The following PLXDC2 variants were observed in gnomAD, a reference collection of about 807,000 sequenced individuals.
PLXDC2 encodes the protein plexin domain-containing protein 2.
Under a neutral mutation model 68.9 loss-of-function variants are expected in PLXDC2, and 40 were observed. The ratio of observed to expected loss-of-function variants is 0.58; its 90% CI spans 0.45 to 0.76. The LOEUF is 0.76. Ranked by LOEUF, PLXDC2 falls within the 30% of genes least tolerant of loss-of-function variation. PLXDC2 has a pLI of 0.00. For missense variants in PLXDC2, 644 were observed against 661.9 expected (o/e 0.97, Z 0.30); for synonymous variants, 243 against 234.2 (o/e 1.04, Z -0.34).
intron 2 of PLXDC2, among the ~76,000 whole-genome samples, chr10:20,032,587 C>T (rs918058262): frequency 7.9e-5 from 12 of 152,046 alleles, no homozygotes; most frequent in Admixed American, 7.9e-4. Context: ...CTAATAGAAA[C>T]AATCTGAGCA....
intron 9 of PLXDC2, among the ~76,000 whole-genome samples, chr10:20,183,453 GTGAGAA>G: frequency 6.6e-6 from 1 of 152,076 alleles, no homozygotes; most frequent in East Asian, 1.9e-4. Context: ...CTGAAAAGAT[GTGAGAA>G]ACAACAATAT....
intron 2 of PLXDC2, among the ~76,000 whole-genome samples, chr10:20,032,725 A>C (rs567693633): frequency 6.6e-6 from 1 of 151,892 alleles, no homozygotes; most frequent in Non-Finnish European, 1.5e-5. Context: ...GGATTTATGT[A>C]GTGCTAGTGA....
chr10:20,214,119 T>TTAA (rs1292387692), intron 10 of PLXDC2, among the ~76,000 whole-genome samples: 2 of 152,150 alleles, frequency 1.3e-5, no homozygotes, highest in Non-Finnish European at 2.9e-5. Context: ...GCCAAGTATT[T>TTAA]TATAGTTTCA....
chr10:19,878,713 C>A (rs1837677732), intron 1 of PLXDC2, among the ~76,000 whole-genome samples: 1 of 152,152 alleles, frequency 6.6e-6, no homozygotes, highest in Non-Finnish European at 1.5e-5. Context: ...ATAGTTTTCA[C>A]AACTTAATTT....
chr10:19,836,070 TG>T (rs1836786532), intron 1 of PLXDC2, among the ~76,000 whole-genome samples: 1 of 151,776 alleles, frequency 6.6e-6, no homozygotes, highest in African/African-American at 2.4e-5. Context: ...CCAGCTACAC[TG>T]GAAGCTGAGG....
At chr10:19,920,753 T>C (rs1279662372) in intron 1 of PLXDC2, among the ~76,000 whole-genome samples, 1 of 152,156 alleles carries the variant, frequency 6.6e-6, no homozygotes, top group African/African-American at 2.4e-5. Flanking sequence ...AGACAGGGTT[T>C]CGCCTTGTTG....
intron 1 of PLXDC2, among the ~76,000 whole-genome samples, chr10:19,818,262 G>C (rs1055150751): frequency 2.0e-5 from 3 of 150,388 alleles, no homozygotes; most frequent in Non-Finnish European, 4.5e-5. Context: ...GTGTGTGTGT[G>C]TGTGTGTGTG....
chr10:20,130,687 A>T (rs1833856126), intron 4 of PLXDC2, among the ~76,000 whole-genome samples: 1 of 152,000 alleles, frequency 6.6e-6, no homozygotes. Context: ...ATTTGTTGAG[A>T]GTTTTTATCA....
At chr10:19,996,451 T>A (rs1039392995) in intron 1 of PLXDC2, among the ~76,000 whole-genome samples, 1 of 152,128 alleles carries the variant, frequency 6.6e-6, no homozygotes, top group Admixed American at 6.5e-5. Context: ...CTGGGCATGG[T>A]GGTGTGCACC....
At chr10:19,876,377 A>G (rs1266076537) in intron 1 of PLXDC2, among the ~76,000 whole-genome samples, 1 of 152,144 alleles carries the variant, frequency 6.6e-6, no homozygotes, top group Non-Finnish European at 1.5e-5. Context: ...CTCAACCCAC[A>G]TTATGCTGCA....
At chr10:20,218,074 A>T (rs1835163733) in intron 11 of PLXDC2, among the ~76,000 whole-genome samples, 1 of 152,186 alleles carries the variant, frequency 6.6e-6, no homozygotes, top group Non-Finnish European at 1.5e-5. Flanking sequence ...TGTATGTGTC[A>T]TAGAAATTGT....
intron 4 of PLXDC2, among the ~76,000 whole-genome samples, chr10:20,137,351 G>A (rs910018595): frequency 6.6e-6 from 1 of 152,110 alleles, no homozygotes; most frequent in African/African-American, 2.4e-5. Flanking sequence ...AGGTAACTGA[G>A]GTACACAGAG....
intron 2 of PLXDC2, among the ~76,000 whole-genome samples, chr10:20,004,175 A>G (rs1834987463): frequency 6.6e-6 from 1 of 152,210 alleles, no homozygotes; most frequent in South Asian, 2.1e-4. Flanking sequence ...AGAAATCTTC[A>G]AAAGATCTGA....
chr10:19,931,551 T>C (rs936635501), intron 1 of PLXDC2, among the ~76,000 whole-genome samples: 2 of 152,156 alleles, frequency 1.3e-5, no homozygotes, highest in Admixed American at 6.5e-5. Flanking sequence ...AAGGGAAGAC[T>C]CTCCTTCTAA....
intron 9 of PLXDC2, among the ~76,000 whole-genome samples, chr10:20,202,493 T>C (rs1157423705): frequency 1.3e-5 from 2 of 152,154 alleles, no homozygotes; most frequent in South Asian, 2.1e-4. Flanking sequence ...CAGCGGGGCT[T>C]AAACTTGTGA....
Position 20,217,587 on chromosome 10 carries a change from G to C in PLXDC2, c.1273+11G>C. The C allele has an allele frequency of 9.2e-6, 5 of 545,302 alleles. No individual in the cohort carries two copies. Among genetic ancestry groups the C allele is most frequent in the Non-Finnish European group, 1.5e-5 (5 of 333,098 alleles). The allele number at this position is 545,302 out of a possible 1,614,324, so 33.8% of individuals were successfully genotyped here. A position where few individuals can be genotyped will look rare whatever the true frequency, so the allele number is the denominator to read the frequency against. On this transcript the variant is annotated intron_variant, in intron 11 of 13. Coordinates refer to ENST00000377252, the MANE Select transcript of PLXDC2 (RefSeq NM_032812.9). ...GCCTCCCTACAGAAGGTACCCAAGAGATAGTTTGCTTTTTTTTTTTTTTTT... is the reference window on the plus strand; with the variant it reads ...GCCTCCCTACAGAAGGTACCCAAGACATAGTTTGCTTTTTTTTTTTTTTTT...
chr10:19,834,232 G>T (rs1366598223), intron 1 of PLXDC2, among the ~76,000 whole-genome samples: 1 of 152,086 alleles, frequency 6.6e-6, no homozygotes, highest in Non-Finnish European at 1.5e-5. Flanking sequence ...AAAAAGACAG[G>T]TATAGTGTCC....
At chr10:20,189,088 G>T (rs548565319) in intron 9 of PLXDC2, among the ~76,000 whole-genome samples, 1 of 103,016 alleles carries the variant, frequency 9.7e-6, no homozygotes, top group East Asian at 2.0e-4. Flanking sequence ...AAACAAGATT[G>T]TCTTTTAAGA....
chr10:20,239,158 T>C (rs1279504149), intron 12 of PLXDC2, among the ~76,000 whole-genome samples: 1 of 152,198 alleles, frequency 6.6e-6, no homozygotes, highest in Non-Finnish European at 1.5e-5. Flanking sequence ...TGTTACGTTT[T>C]ACTAAGTATG....
Sources: gnomAD v4.1 joint callset for allele counts (sites outside exome capture counted in the v4.1 genomes callset) on GRCh38, gnomAD v4.1.1 for gene constraint, MANE v1.5 for transcripts, NCBI Gene and HGNC (gene_info 2026-07-23, HGNC 2026-07-21) for gene names.